The following SRGAP3 variants were observed in gnomAD, a reference collection of about 807,000 sequenced individuals.
The protein encoded by SRGAP3 is SLIT-ROBO Rho GTPase-activating protein 3.
SRGAP3 carries 39 observed loss-of-function variants against 121.1 expected under a neutral mutation model. The ratio of observed to expected loss-of-function variants is 0.32; its 90% CI spans 0.25 to 0.42. SRGAP3 has a LOEUF of 0.42. Ranked by LOEUF, SRGAP3 falls within the 10% of genes least tolerant of loss-of-function variation. The pLI is 1.00. For missense variants in SRGAP3, 1,213 were observed against 1,470.6 expected (o/e 0.82, Z 2.86); for synonymous variants, 601 against 570.0 (o/e 1.05, Z -0.77).
At chr3:9,350,907 G>A (rs1438237895) in intron 1 of SRGAP3, among the ~76,000 whole-genome samples, 2 of 152,174 alleles carry the variant, frequency 1.3e-5, no homozygotes, top group Admixed American at 6.5e-5. Context: ...GTTTACCACA[G>A]TGATTTATTA....
chr3:9,348,573 T>A (rs1575025833), intron 1 of SRGAP3: 1 of 815,692 alleles, frequency 1.2e-6, no homozygotes, highest in Non-Finnish European at 2.1e-6. Context: ...GGCAGGCAGG[T>A]GCTGTGAGAA....
intron 3 of SRGAP3, among the ~76,000 whole-genome samples, chr3:9,308,133 C>G (rs561360091): frequency 6.6e-6 from 1 of 152,174 alleles, no homozygotes; most frequent in Non-Finnish European, 1.5e-5. Context: ...CCAGTTTGGT[C>G]GACAGAGCTA....
In SRGAP3 at chr3:9,135,583, C is replaced by T. The variant is rs112079661; in HGVS notation, c.68-10666G>A. 3.7e-4 allele frequency among the ~76,000 whole-genome samples: 57 copies of T among 152,356 alleles called. 1 individual carries two copies. In the South Asian group the frequency reaches 5.8e-3, roughly 16 times the overall value. On this transcript the variant is annotated intron_variant, in intron 1 of 21. Coordinates refer to ENST00000383836, the MANE Select transcript of SRGAP3 (RefSeq NM_014850.4). ...GATTATTGTCTCTGCCGGATCTGCA[C>T]TGTGAAGCCTTGGGCAGTCAACTCA...
intron 3 of SRGAP3, among the ~76,000 whole-genome samples, chr3:9,313,516 C>T (rs145032090): frequency 0.012 from 1,841 of 151,480 alleles, 29 homozygotes; most frequent in Admixed American, 0.048. Flanking sequence ...TAGCGAAACT[C>T]CATCTCTACT....
At chr3:9,244,697 A>C (rs1056207618) in intron 1 of SRGAP3, among the ~76,000 whole-genome samples, 1 of 152,210 alleles carries the variant, frequency 6.6e-6, no homozygotes, top group Non-Finnish European at 1.5e-5. Flanking sequence ...CAAAAGGGGA[A>C]AAATGTTATG....
At chr3:9,040,997 G>A (rs879563148) in intron 10 of SRGAP3, among the ~76,000 whole-genome samples, 1 of 152,178 alleles carries the variant, frequency 6.6e-6, no homozygotes, top group African/African-American at 2.4e-5. Flanking sequence ...TTGGCACAAA[G>A]TATATGCTCA....
rs1200943611 is a variant in SRGAP3, at chr3:8,981,805, A to G, written c.*3714T>C. On this transcript the variant is annotated 3_prime_UTR_variant, in exon 22 of 22. Coordinates refer to ENST00000383836, the MANE Select transcript of SRGAP3 (RefSeq NM_014850.4). ...CCACTCCGATTTCTTCATTGAATAG[A>G]AACCTTTCATCCCTTGGGAATCCAT... 4.4e-6 allele frequency: 1 copy of G among 229,542 alleles called. No individual in the cohort carries two copies. The highest frequency in any genetic ancestry group is 2.2e-5 in the African/African-American group (1 of 45,142). The allele number at this position is 229,542 out of a possible 1,614,324, so 14.2% of individuals were successfully genotyped here.
chr3:9,015,553 A>G (rs776219710), intron 15 of SRGAP3, 44 bp downstream of exon 15: 2 of 1,612,188 alleles, frequency 1.2e-6, no homozygotes, highest in South Asian at 2.2e-5. Flanking sequence ...AACTCCAACA[A>G]TGATTTGTCA....
chr3:9,329,913 C>T lies in SRGAP3; in HGVS notation n.283+615G>A, dbSNP rs533966898. ...AGTTGACATCCCACAGTGCCAAACC[C>T]GTTCTTAGCCAAAAGGGACTTTACC... is the stretch of plus-strand genomic sequence containing the variant. On this transcript the variant is annotated intron_variant and non_coding_transcript_variant, in intron 2 of 3. Coordinates refer to the SRGAP3 transcript ENST00000490889. Among the ~76,000 whole-genome samples the T allele has an allele frequency of 1.5e-3, 231 of 152,226 alleles. 1 individual carries two copies. The highest frequency in any genetic ancestry group is 1.0e-3 in the Non-Finnish European group (70 of 68,034).
intron 3 of SRGAP3, among the ~76,000 whole-genome samples, chr3:9,266,246 T>C (rs1954364222): frequency 6.6e-6 from 1 of 151,972 alleles, no homozygotes; most frequent in Non-Finnish European, 1.5e-5. Flanking sequence ...AGGAAAGGGA[T>C]AGCATTAGGA....
intron 2 of SRGAP3, among the ~76,000 whole-genome samples, chr3:9,110,719 C>T (rs1328922078): frequency 6.6e-6 from 1 of 152,264 alleles, no homozygotes; most frequent in Non-Finnish European, 1.5e-5. Context: ...CCCTGGCTCC[C>T]TCCTGTGGGG....
At chr3:9,305,546 C>T (rs894942397) in intron 3 of SRGAP3, among the ~76,000 whole-genome samples, 4 of 151,968 alleles carry the variant, frequency 2.6e-5, no homozygotes, top group Non-Finnish European at 5.9e-5. Flanking sequence ...TCTCCTAATG[C>T]TATCCGTCCC....
intron 1 of SRGAP3, among the ~76,000 whole-genome samples, chr3:9,341,744 C>A (rs1440925873): frequency 1.3e-5 from 2 of 152,190 alleles, no homozygotes; most frequent in African/African-American, 4.8e-5. Context: ...AGCAATCCAC[C>A]CACCTCGGCC....
chr3:9,212,061 A>G (rs1430448517), intron 1 of SRGAP3, among the ~76,000 whole-genome samples: 1 of 129,026 alleles, frequency 7.8e-6, no homozygotes, highest in Non-Finnish European at 1.7e-5. Flanking sequence ...GTTGAAGTGC[A>G]ATATAGAAAA....
intron 10 of SRGAP3, among the ~76,000 whole-genome samples, chr3:9,044,034 G>A (rs1043765951): frequency 5.3e-5 from 8 of 152,156 alleles, no homozygotes; most frequent in African/African-American, 1.9e-4. Flanking sequence ...TCTTGCTCCC[G>A]AGAAGCGCCA....
At chr3:9,190,606 G>A (rs1457610097) in intron 1 of SRGAP3, among the ~76,000 whole-genome samples, 2 of 152,178 alleles carry the variant, frequency 1.3e-5, no homozygotes, top group African/African-American at 2.4e-5. Flanking sequence ...GCTACCTGGG[G>A]TTACTCAACA....
At chr3:9,089,330 G>A (rs1947646838) in intron 3 of SRGAP3, among the ~76,000 whole-genome samples, 1 of 132,202 alleles carries the variant, frequency 7.6e-6, no homozygotes, top group South Asian at 2.7e-4. Flanking sequence ...GAATGGCTGA[G>A]CAACTTCCCC....
intron 1 of SRGAP3, among the ~76,000 whole-genome samples, chr3:9,216,013 T>C (rs1014912820): frequency 2.0e-5 from 3 of 152,174 alleles, no homozygotes; most frequent in African/African-American, 4.8e-5. Context: ...CACAGATAGA[T>C]AGGCATATAC....
At chr3:9,007,032 C>T (rs938266954) in intron 18 of SRGAP3, 7 of 146,086 alleles carry the variant, frequency 4.8e-5, no homozygotes, top group Non-Finnish European at 1.0e-4. Flanking sequence ...ACAATCATGG[C>T]TCACTGCAGC....
Sources: allele counts gnomAD v4.1 joint callset (sites outside exome capture counted in the v4.1 genomes callset), GRCh38; gene constraint gnomAD v4.1.1; transcripts MANE v1.5; gene names NCBI Gene and HGNC (gene_info 2026-07-23, HGNC 2026-07-21).